The following FMN1 variants were observed in gnomAD, a reference collection of about 807,000 sequenced individuals.
FMN1 encodes the protein formin-1.
In FMN1, 110 loss-of-function variants were observed where a neutral mutation model predicts 132.4. The ratio of observed to expected loss-of-function variants is 0.83; its 90% CI spans 0.71 to 0.97. FMN1 has a LOEUF of 0.97. FMN1 is among the 50% of genes least tolerant of loss of function. The probability of loss-of-function intolerance (pLI) is 0.00; values close to 1 mark genes in which losing one functional copy is unlikely to be tolerated. For synonymous variants in FMN1, 722 were observed against 651.7 expected, an observed-to-expected ratio of 1.11 and a Z score of -1.64; for missense variants, 1,792 against 1,705.3, an observed-to-expected ratio of 1.05 and a Z score of -0.90.
chr15:33,101,420 C>T (rs1387546059), intron 4 of FMN1, among the ~76,000 whole-genome samples: 1 of 151,176 alleles, frequency 6.6e-6, no homozygotes, highest in Non-Finnish European at 1.5e-5. Context: ...TCTTTAGCCA[C>T]ATGTAAGATA....
At chr15:33,172,696 G>A (rs75487467) in intron 3 of FMN1, among the ~76,000 whole-genome samples, 13 of 152,302 alleles carry the variant, frequency 8.5e-5, no homozygotes, top group African/African-American at 2.2e-4. Flanking sequence ...AGAGGTTCAC[G>A]AGAAGGAAGT....
intron 6 of FMN1, among the ~76,000 whole-genome samples, chr15:33,053,321 C>T (rs910604612): frequency 2.0e-5 from 3 of 152,192 alleles, no homozygotes; most frequent in African/African-American, 7.2e-5. Context: ...CTGGGCATTG[C>T]CACATTCCCC....
intron 19 of FMN1, among the ~76,000 whole-genome samples, chr15:32,786,981 A>G (rs763906129): frequency 1.2e-4 from 18 of 152,234 alleles, no homozygotes; most frequent in Non-Finnish European, 2.2e-4. Context: ...TTGATTCTAA[A>G]TAAGTGAGAT....
At chr15:32,785,214 A>ATTTTTTTTT in intron 19 of FMN1, among the ~76,000 whole-genome samples, 1 of 22,142 alleles carries the variant, frequency 4.5e-5, no homozygotes, top group African/African-American at 1.5e-4. Flanking sequence ...ATATATATAT[A>ATTTTTTTTT]TATATTTTTT....
intron 19 of FMN1, 52 bp from the exon 20 acceptor site, chr15:32,776,971 G>A: frequency 8.9e-7 from 1 of 1,121,172 alleles, no homozygotes; most frequent in Non-Finnish European, 1.3e-6. Context: ...GAAAGGAAGA[G>A]GGAAAAGGAA....
At chr15:33,079,493 C>T (rs1250760115) in intron 5 of FMN1, among the ~76,000 whole-genome samples, 1 of 152,170 alleles carries the variant, frequency 6.6e-6, no homozygotes, top group Non-Finnish European at 1.5e-5. Flanking sequence ...CATGGTGGCA[C>T]CTGCCTGTAA....
chr15:32,958,143 T>G (rs567211002), intron 9 of FMN1, among the ~76,000 whole-genome samples: 1 of 152,226 alleles, frequency 6.6e-6, no homozygotes, highest in Non-Finnish European at 1.5e-5. Flanking sequence ...ACTCAAAGAT[T>G]TGGCTTCCTA....
chr15:32,898,986 A>C, intron 14 of FMN1, 93 bp from the exon 15 acceptor site: 1 of 861,064 alleles, frequency 1.2e-6, no homozygotes, highest in Non-Finnish European at 1.9e-6. Flanking sequence ...AGAAATTTCT[A>C]ATTCGTGAAA....
intron 9 of FMN1, among the ~76,000 whole-genome samples, chr15:32,954,108 G>A (rs778582033): frequency 6.6e-6 from 1 of 152,150 alleles, no homozygotes; most frequent in Non-Finnish European, 1.5e-5. Flanking sequence ...CCTTCAAGAC[G>A]AGATCTCTGG....
chr15:32,878,514 C>T (rs2059689967), intron 16 of FMN1, among the ~76,000 whole-genome samples: 1 of 152,108 alleles, frequency 6.6e-6, no homozygotes, highest in Non-Finnish European at 1.5e-5. Flanking sequence ...TGATTCCAGA[C>T]ACTTTTTGAA....
chr15:33,139,148 C>T (rs758357357), intron 4 of FMN1, among the ~76,000 whole-genome samples: 1 of 152,144 alleles, frequency 6.6e-6, no homozygotes, highest in Non-Finnish European at 1.5e-5. Flanking sequence ...CCTCTTAATC[C>T]ATATTGACTA....
chr15:32,797,678 G>A (rs548934940), intron 19 of FMN1, among the ~76,000 whole-genome samples: 1 of 152,098 alleles, frequency 6.6e-6, no homozygotes, highest in African/African-American at 2.4e-5. Context: ...ATGGGAAGAT[G>A]TGTTGATAAA....
chr15:32,952,027 T>C (rs1234314441), intron 9 of FMN1, among the ~76,000 whole-genome samples: 4 of 152,190 alleles, frequency 2.6e-5, no homozygotes, highest in Non-Finnish European at 4.4e-5. Context: ...CTTGAATTCA[T>C]AGGTATGAAC....
intron 17 of FMN1, among the ~76,000 whole-genome samples, chr15:32,819,600 C>T (rs955103695): frequency 1.3e-5 from 2 of 152,162 alleles, no homozygotes; most frequent in African/African-American, 4.8e-5. Flanking sequence ...ATATGGGACA[C>T]ATCTGTTTCT....
chr15:32,799,011 A>C, intron 18 of FMN1, 58 bp from the exon 19 acceptor site: 3 of 1,488,024 alleles, frequency 2.0e-6, no homozygotes, highest in Non-Finnish European at 1.8e-6. Context: ...GCCAACACTA[A>C]AATCCATTAG....
At chr15:33,120,357 C>T (rs1962433580) in intron 4 of FMN1, among the ~76,000 whole-genome samples, 1 of 152,168 alleles carries the variant, frequency 6.6e-6, no homozygotes, top group African/African-American at 2.4e-5. Context: ...CCATCATCAT[C>T]TTCCAGGTCA....
At chr15:32,806,240 T>G (rs1174981927) in intron 17 of FMN1, among the ~76,000 whole-genome samples, 1 of 152,224 alleles carries the variant, frequency 6.6e-6, no homozygotes, top group African/African-American at 2.4e-5. Flanking sequence ...TCATGAAAGA[T>G]AAGGGATTTT....
At position 33,000,099 on chromosome 15, in the gene FMN1, G is replaced by A. The variant is rs530463791; in HGVS notation, c.2223+7915C>T. The stretch of plus-strand genomic sequence containing the variant: ...ATTGCTCCACAGAGGCAAGTAGATG[G>A]ACTAGAGACCTGCTGACTAGGAAGG... On this transcript the variant is annotated intron_variant, in intron 7 of 20. Transcript: ENST00000616417. Among the ~76,000 whole-genome samples, 180 of 152,266 alleles carry A rather than the reference G, an allele frequency of 1.2e-3. 1 individual carries two copies. Among genetic ancestry groups the A allele is most frequent in the Non-Finnish European group, 1.8e-3 (124 of 68,014 alleles).
At chr15:32,896,478 A>C (rs1411862889) in intron 15 of FMN1, among the ~76,000 whole-genome samples, 1 of 152,160 alleles carries the variant, frequency 6.6e-6, no homozygotes. Context: ...TAAATTTTTA[A>C]GTGTACAGTA....
Sources: gnomAD v4.1 joint callset for allele counts (sites outside exome capture counted in the v4.1 genomes callset) on GRCh38, gnomAD v4.1.1 for gene constraint, MANE v1.5 for transcripts, NCBI Gene and HGNC (gene_info 2026-07-23, HGNC 2026-07-21) for gene names.